The following BRD8 variants were observed in gnomAD, a reference collection of about 807,000 sequenced individuals.
The protein encoded by BRD8 is bromodomain containing 8.
A neutral mutation model predicts 143.1 loss-of-function variants in BRD8; 67 were observed. The ratio of observed to expected loss-of-function variants is 0.47; its 90% CI spans 0.38 to 0.57. The LOEUF is 0.57. Among genes scored for constraint, BRD8 ranks in the 20% least tolerant of loss-of-function variants. BRD8 has a pLI of 0.00. For synonymous variants in BRD8, 505 were observed against 517.1 expected (o/e 0.98, Z 0.32); for missense variants, 1,103 against 1,503.0 (o/e 0.73, Z 4.40).
chr5:138,177,424 CAGA>C, intron 2 of BRD8, 144 bp downstream of exon 2: 1 of 531,626 alleles, frequency 1.9e-6, no homozygotes, highest in Non-Finnish European at 3.4e-6. Flanking sequence ...GCCTGGGCAA[CAGA>C]AGGAGACTCA....
intron 20 of BRD8, among the ~76,000 whole-genome samples, chr5:138,154,855 G>C (rs949562869): frequency 3.4e-5 from 5 of 146,404 alleles, no homozygotes; most frequent in African/African-American, 1.0e-4. Flanking sequence ...TTTTGAGATG[G>C]AGTCTTGCTC....
At chr5:138,156,623 AC>A (rs2151190430) in intron 20 of BRD8, among the ~76,000 whole-genome samples, 1 of 152,198 alleles carries the variant, frequency 6.6e-6, no homozygotes, top group African/African-American at 2.4e-5. Context: ...AATTCTAAAA[AC>A]CTTACTTTTC....
intron 21 of BRD8, among the ~76,000 whole-genome samples, chr5:138,151,980 G>T (rs563729798): frequency 4.6e-5 from 7 of 151,548 alleles, no homozygotes; most frequent in African/African-American, 1.5e-4. Flanking sequence ...TCAGCCTCCC[G>T]AGCAGCTGGG....
At chr5:138,163,105 CAAAG>C (rs766664162) in intron 15 of BRD8, 21 bp downstream of exon 15, 13 of 1,608,596 alleles carry the variant, frequency 8.1e-6, no homozygotes, top group South Asian at 1.1e-5. Flanking sequence ...GCCTTGGCCT[CAAAG>C]AAAGAATCTC....
chr5:138,171,092 G>A lies in BRD8; in HGVS notation c.305C>T (p.Ala102Val). The A allele has an allele frequency of 1.2e-6, 2 of 1,613,518 alleles. No homozygotes were observed. Among genetic ancestry groups the A allele is most frequent in the Non-Finnish European group, 1.7e-6 (2 of 1,179,840 alleles). The change falls in exon 5 of 27, where the codon GCT becomes GTT. Residue 102 changes from alanine (A) to valine (V), a missense_variant. Around this residue, in one of 7 missense-constraint regions of BRD8, gnomAD observed 334 missense variants for 372.5 expected, o/e 0.90. Coordinates refer to ENST00000254900, the MANE Select transcript of BRD8 (RefSeq NM_139199.2). ...TTTCTTTAGTTCTTCAACTCGCTCA[G>A]CAGTCAATTTCCGAACAATAACATC... ...VEDVIVRKLT[A>V]ERVEELKKVI...
At chr5:138,154,180 T>C (rs939880493) in intron 20 of BRD8, among the ~76,000 whole-genome samples, 1 of 152,214 alleles carries the variant, frequency 6.6e-6, no homozygotes, top group Non-Finnish European at 1.5e-5. Context: ...GTTATTCTAC[T>C]CAAGGCTTTA....
Position 138,144,711 on chromosome 5 carries a change from G to A in BRD8, c.3437+466C>T, listed in dbSNP as rs193264435. ...GAGCTCAGGAGTTCAAGACCAGCCT[G>A]GGCAACATGGCAAAGCTCCGTTTCT... On this transcript the variant is annotated intron_variant, in intron 25 of 26. Transcript: ENST00000254900. 3.9e-5 allele frequency among the ~76,000 whole-genome samples: 6 copies of A among 152,084 alleles called. No homozygotes were observed. The East Asian group carries it at 7.7e-4, about 20-fold the overall frequency.
chr5:138,178,364 T>G (rs1218229116), intron 1 of BRD8, among the ~76,000 whole-genome samples: 1 of 152,112 alleles, frequency 6.6e-6, no homozygotes, highest in African/African-American at 2.4e-5. Context: ...CCTAACACAC[T>G]AGGATTCACT....
chr5:138,157,173 T>C lies in BRD8; in HGVS notation c.2577+2382A>G, dbSNP rs781119248. ...CAAGCTCTATCTTGTTTACTTTTAT[T>C]TTAGGTTCGGCTCAAAGAGGGTAAC... On this transcript the variant is annotated intron_variant, in intron 20 of 26. Coordinates refer to ENST00000254900, the MANE Select transcript of BRD8 (RefSeq NM_139199.2). The C allele has an allele frequency of 3.1e-6, 5 of 1,610,644 alleles. No individual in the cohort carries two copies. In the South Asian group the frequency reaches 5.5e-5, roughly 18 times the overall value.
At chr5:138,144,898 CAAA>C (rs34496046) in intron 25 of BRD8, among the ~76,000 whole-genome samples, 1,922 of 103,366 alleles carry the variant, frequency 0.019, 19 homozygotes, top group Middle Eastern at 0.034. Flanking sequence ...GAGACCCTGT[CAAA>C]AAAAAAAAAA....
At chr5:138,156,849 CA>C (rs1266417598) in intron 20 of BRD8, 4 of 1,032,500 alleles carry the variant, frequency 3.9e-6, no homozygotes, top group Non-Finnish European at 4.7e-6. Context: ...CACACACACA[CA>C]CACACACACA....
In BRD8 at chr5:138,139,799, A is replaced by G; in HGVS notation, c.*275T>C. The G allele has an allele frequency of 4.8e-6, 2 of 417,292 alleles. No individual in the cohort carries two copies. The highest frequency in any genetic ancestry group is 8.5e-6 in the Non-Finnish European group (2 of 235,350). The allele number at this position is 417,292 out of a possible 1,614,324, so 25.8% of individuals were successfully genotyped here. A position where few individuals can be genotyped will look rare whatever the true frequency, so the allele number is the denominator to read the frequency against. Reference sequence around the variant, plus strand: ...GTGTAAATACATTTATTTATAGAGTAAAAGGCTTAGAAAAGATCTAATGGA... The same window carrying G: ...GTGTAAATACATTTATTTATAGAGTGAAAGGCTTAGAAAAGATCTAATGGA... On this transcript the variant is annotated 3_prime_UTR_variant, in exon 27 of 27. Transcript: ENST00000254900.
In BRD8 at chr5:138,172,744, T is replaced by C. The variant is rs375440466; in HGVS notation, c.117-610A>G. The C allele has an allele frequency of 2.1e-4, 88 of 425,498 alleles. 1 individual carries two copies. In the East Asian group the frequency reaches 4.9e-3, roughly 24 times the overall value. The allele number at this position is 425,498 out of a possible 1,614,324, so 26.4% of individuals were successfully genotyped here. On this transcript the variant is annotated intron_variant, in intron 2 of 26. Transcript: ENST00000254900. The stretch of plus-strand genomic sequence containing the variant: ...CCTGCGGCCTGTGGTCCCAGCTACT[T>C]GGGCAGCTGAGGTAGGAGGATCCCT...
chr5:138,140,963 CTAACCAGTTCT>C (rs1300835688), intron 25 of BRD8, 81 bp from the exon 26 acceptor site: 1 of 1,410,690 alleles, frequency 7.1e-7, no homozygotes, highest in African/African-American at 1.4e-5. Context: ...TCTTGAAGAA[CTAACCAGTTCT>C]TAATGAAAAC....
chr5:138,150,461 C>CTATAA lies in BRD8; in HGVS notation c.3120+279_3120+283dup, dbSNP rs1415293679. ...TATTCTAAATTTTACTGATTGCTTA[C>CTATAA]TATAAGCCAGGCACTGTGCTAAGTG... On this transcript the variant is annotated intron_variant, in intron 22 of 26. Transcript: ENST00000254900. Among the ~76,000 whole-genome samples the CTATAA allele has an allele frequency of 3.3e-5, 5 of 152,188 alleles. No individual in the cohort carries two copies. In the East Asian group the frequency reaches 9.6e-4, roughly 29 times the overall value.
At position 138,171,399 on chromosome 5, in the gene BRD8, G is replaced by A. The variant is rs750779792; in HGVS notation, c.198C>T (p.Ser66=). Residue 66 remains serine, a synonymous_variant, in exon 4 of 27, where the codon TCC becomes TCT. Coordinates refer to ENST00000254900, the MANE Select transcript of BRD8 (RefSeq NM_139199.2). ...PDWFSQKHCA[S]QYSELLETTE... ...TGGTCTCTAAAAGCTCCGAGTACTG[G>A]GAAGCACAATGCTATTAAAAAAAAA... is the stretch of plus-strand genomic sequence containing the variant. The A allele has an allele frequency of 1.9e-6, 3 of 1,585,088 alleles. No individual in the cohort carries two copies. The highest frequency in any genetic ancestry group is 2.2e-5 in the South Asian group (2 of 89,772).
At chr5:138,166,166 T>A (rs770014856) in intron 10 of BRD8, 58 bp from the exon 11 acceptor site, 2 of 1,240,766 alleles carry the variant, frequency 1.6e-6, no homozygotes, top group African/African-American at 3.0e-5. Context: ...AGCGACCACC[T>A]TGAGATCACA....
chr5:138,153,945 G>A (rs1371641585), intron 20 of BRD8, among the ~76,000 whole-genome samples: 1 of 151,282 alleles, frequency 6.6e-6, no homozygotes, highest in Non-Finnish European at 1.5e-5. Flanking sequence ...CAAAGTGCTG[G>A]GATTACAGGC....
In BRD8 at chr5:138,145,855, G is replaced by C. The variant is rs1383359068; in HGVS notation, c.3302C>G (p.Pro1101Arg). 6.2e-7 allele frequency: 1 copy of C among 1,613,786 alleles called. No individual in the cohort carries two copies. Among genetic ancestry groups the C allele is most frequent in the East Asian group, 2.2e-5 (1 of 44,858 alleles). ...CTTAAATAGCAAATGATCCTGAACA[G>C]GGTCATCCTGGCTTAGATCAGTCCT... Reference protein sequence around the residue: ...SKLTDLSQDDPVQDHLLFKKT... With the variant: ...SKLTDLSQDDRVQDHLLFKKT... Residue 1101 changes from proline (P) to arginine (R), a missense_variant, in exon 24 of 27, where the codon CCT (proline) becomes CGT (arginine). This residue lies in a region of BRD8 where 369 missense variants were observed against 445.5 expected (regional missense o/e 0.83). Coordinates refer to ENST00000254900, the MANE Select transcript of BRD8 (RefSeq NM_139199.2).
Sources: allele counts gnomAD v4.1 joint callset (sites outside exome capture counted in the v4.1 genomes callset), GRCh38; gene constraint gnomAD v4.1.1; regional missense constraint gnomAD v4.1.1; transcripts MANE v1.5; gene names NCBI Gene and HGNC (gene_info 2026-07-23, HGNC 2026-07-21).